The following UBE2F variants were observed in gnomAD, a reference collection of about 807,000 sequenced individuals.
The protein encoded by UBE2F is ubiquitin conjugating enzyme E2 F (putative).
A neutral mutation model predicts 29.6 loss-of-function variants in UBE2F; 5 were observed. The ratio of observed to expected loss-of-function variants is 0.17; its 90% CI spans 0.09 to 0.36. The LOEUF is 0.36. Ranked by LOEUF, UBE2F falls within the 10% of genes least tolerant of loss-of-function variation. The pLI is 1.00. For missense variants in UBE2F, 141 were observed against 228.5 expected, an observed-to-expected ratio of 0.62 and a Z score of 2.47; for synonymous variants, 66 against 81.8, an observed-to-expected ratio of 0.81 and a Z score of 1.04.
In UBE2F at chr2:238,041,410, CCCCTCT is replaced by C; in HGVS notation, c.*76_*81del. The C allele has an allele frequency of 1.3e-6, 2 of 1,531,042 alleles. No homozygotes were observed. The highest frequency in any genetic ancestry group is 2.3e-5 in the South Asian group (2 of 88,534). 94.8% of individuals were successfully genotyped at this position (1,531,042 alleles called of 1,614,324 possible). On this transcript the variant is annotated 3_prime_UTR_variant, in exon 10 of 10. Transcript: ENST00000272930. ...CTAACATGAAACAGCAAGAGGTAGC[CCCCTCT>C]CCCGTCCTCATGCTCCCTCTCAGTC... is the stretch of plus-strand genomic sequence containing the variant.
intron 5 of UBE2F, among the ~76,000 whole-genome samples, chr2:238,023,747 A>G (rs1245148764): frequency 2.0e-5 from 3 of 152,196 alleles, no homozygotes; most frequent in Non-Finnish European, 2.9e-5. Flanking sequence ...ATATTAACCA[A>G]GGGGACCTTT....
At chr2:238,007,951 A>G (rs1289411432) in intron 4 of UBE2F, among the ~76,000 whole-genome samples, 1 of 152,014 alleles carries the variant, frequency 6.6e-6, no homozygotes, top group East Asian at 1.9e-4. Flanking sequence ...ATTAGTATTA[A>G]TTAGTTAATT....
intron 5 of UBE2F, among the ~76,000 whole-genome samples, chr2:238,018,600 C>G (rs562688473): frequency 1.8e-4 from 28 of 152,252 alleles, no homozygotes; most frequent in African/African-American, 6.5e-4. Context: ...GAGTCTTGCT[C>G]TGTTCCCCAG....
chr2:238,000,181 A>G (rs1426751798), intron 4 of UBE2F, among the ~76,000 whole-genome samples: 4 of 152,128 alleles, frequency 2.6e-5, no homozygotes, highest in African/African-American at 7.2e-5. Flanking sequence ...CGCCTTTTTC[A>G]TTACTGATAC....
At chr2:237,973,315 C>G in intron 2 of UBE2F, 90 bp downstream of exon 2, 3 of 1,395,126 alleles carry the variant, frequency 2.2e-6, no homozygotes, top group Non-Finnish European at 3.0e-6. Flanking sequence ...CAACCTACTG[C>G]TGAATAGAAA....
intron 4 of UBE2F, 62 bp from the exon 5 acceptor site, chr2:238,016,504 T>C: frequency 6.9e-7 from 1 of 1,453,534 alleles, no homozygotes; most frequent in Non-Finnish European, 9.5e-7. Context: ...AGTGTTTGCT[T>C]TTTGTTTCCT....
In UBE2F at chr2:238,037,069, C is replaced by T. The variant is rs529763034; in HGVS notation, c.507+1129C>T. Among the ~76,000 whole-genome samples the T allele has an allele frequency of 1.1e-4, 16 of 152,206 alleles. No individual in the cohort carries two copies. In the East Asian group the frequency reaches 2.3e-3, roughly 22 times the overall value. On this transcript the variant is annotated intron_variant, in intron 9 of 9. Transcript: ENST00000272930. ...CCTGAGCTTGTCAAGGTTCAGAGAG[C>T]TCCCCCTATTCATTATTTTTAATCT...
chr2:238,025,462 A>G (rs1344074983), intron 6 of UBE2F, 50 bp downstream of exon 6: 2 of 1,509,108 alleles, frequency 1.3e-6, no homozygotes, highest in Non-Finnish European at 1.8e-6. Context: ...GTCATGTGCA[A>G]GCGTTGGGCT....
chr2:238,001,431 A>G (rs2063791485), intron 4 of UBE2F, among the ~76,000 whole-genome samples: 1 of 152,132 alleles, frequency 6.6e-6, no homozygotes, highest in African/African-American at 2.4e-5. Context: ...TATTGATATT[A>G]CATATAGAAA....
chr2:237,986,645 G>A (rs915635808), intron 2 of UBE2F, among the ~76,000 whole-genome samples: 1 of 152,130 alleles, frequency 6.6e-6, no homozygotes, highest in African/African-American at 2.4e-5. Flanking sequence ...ATACTTTCAG[G>A]TCTTACATTT....
At position 238,032,203 on chromosome 2, in the gene UBE2F, G is replaced by C; in HGVS notation, c.412-19G>C. 6.2e-7 allele frequency: 1 copy of C among 1,610,944 alleles called. No homozygotes were observed. The highest frequency in any genetic ancestry group is 8.5e-7 in the Non-Finnish European group (1 of 1,177,478). ...CACTTTGGCTTAAAACTTGTTTTCT[G>C]TTTTCTTTTTTATTTCAGGATGTCG... On this transcript the variant is annotated intron_variant, in intron 7 of 9. Transcript: ENST00000272930.
intron 9 of UBE2F, among the ~76,000 whole-genome samples, 182 bp from the exon 10 acceptor site, chr2:238,041,106 A>T (rs1180149505): frequency 6.6e-6 from 1 of 152,122 alleles, no homozygotes. Flanking sequence ...TCTTGCGTGC[A>T]GTAGGCACCC....
intron 6 of UBE2F, among the ~76,000 whole-genome samples, chr2:238,028,499 G>A (rs1398835800): frequency 6.6e-6 from 1 of 152,204 alleles, no homozygotes; most frequent in Non-Finnish European, 1.5e-5. Flanking sequence ...ATAGCCACTA[G>A]GATTTGACTT....
intron 4 of UBE2F, among the ~76,000 whole-genome samples, chr2:238,010,335 G>A (rs1288280855): frequency 2.6e-5 from 4 of 152,090 alleles, no homozygotes; most frequent in African/African-American, 4.8e-5. Flanking sequence ...CACTATGCCC[G>A]ACTGATTTTT....
intron 2 of UBE2F, among the ~76,000 whole-genome samples, chr2:237,977,491 G>T (rs2063305322): frequency 6.6e-6 from 1 of 152,230 alleles, no homozygotes; most frequent in Non-Finnish European, 1.5e-5. Flanking sequence ...TGATCTGAGA[G>T]AGGTGGCTGT....
At chr2:237,976,656 T>G (rs893147586) in intron 2 of UBE2F, among the ~76,000 whole-genome samples, 2 of 152,292 alleles carry the variant, frequency 1.3e-5, no homozygotes, top group African/African-American at 4.8e-5. Flanking sequence ...CCTGCTCTTT[T>G]ATAAGGCCCT....
At chr2:238,034,415 C>G (rs113096700) in intron 8 of UBE2F, among the ~76,000 whole-genome samples, 1 of 151,622 alleles carries the variant, frequency 6.6e-6, no homozygotes, top group East Asian at 2.0e-4. Context: ...GCAACAAGAG[C>G]GAAAATCCGT....
intron 7 of UBE2F, among the ~76,000 whole-genome samples, chr2:238,031,739 T>G (rs1227837426): frequency 1.3e-5 from 2 of 152,250 alleles, no homozygotes; most frequent in Non-Finnish European, 2.9e-5. Context: ...TCTTCTATGA[T>G]TCTTTAAATA....
intron 3 of UBE2F, among the ~76,000 whole-genome samples, chr2:237,990,876 A>G (rs1373698479): frequency 6.6e-6 from 1 of 152,186 alleles, no homozygotes; most frequent in Non-Finnish European, 1.5e-5. Context: ...TTGGCCTCCT[A>G]AAGAGCTGAG....
Sources: gnomAD v4.1 joint callset for allele counts (sites outside exome capture counted in the v4.1 genomes callset) on GRCh38, gnomAD v4.1.1 for gene constraint, MANE v1.5 for transcripts, NCBI Gene and HGNC (gene_info 2026-07-23, HGNC 2026-07-21) for gene names.